The following EPHB2 variants were observed in gnomAD, a reference collection of about 807,000 sequenced individuals.
EPHB2 encodes EPH receptor B2.
In EPHB2, 18 loss-of-function variants were observed where a neutral mutation model predicts 96.4. That is an observed-to-expected ratio of 0.19 (90% CI 0.13 to 0.28). The LOEUF (loss-of-function observed/expected upper bound fraction) is 0.28, where lower values mean the gene tolerates loss of function less well. Among genes scored for constraint, EPHB2 ranks in the 10% least tolerant of loss-of-function variants. The pLI, the probability that EPHB2 is intolerant of heterozygous loss-of-function variation, is 1.00. For missense variants in EPHB2, 989 were observed against 1,355.4 expected (o/e 0.73, Z 4.25); for synonymous variants, 506 against 534.1 (o/e 0.95, Z 0.72).
chr1:22,735,480 C>G (rs1446164980), intron 1 of EPHB2, among the ~76,000 whole-genome samples: 1 of 151,804 alleles, frequency 6.6e-6, no homozygotes, highest in Non-Finnish European at 1.5e-5. Flanking sequence ...GAAGTAGAAC[C>G]AGGGCCTCTA....
intron 3 of EPHB2, among the ~76,000 whole-genome samples, chr1:22,807,872 G>T (rs1644948933): frequency 6.6e-6 from 1 of 152,216 alleles, no homozygotes; most frequent in African/African-American, 2.4e-5. Flanking sequence ...AGTGGCTCAT[G>T]ACTGTAATCC....
At chr1:22,763,527 A>G (rs914366873) in intron 1 of EPHB2, among the ~76,000 whole-genome samples, 1 of 151,970 alleles carries the variant, frequency 6.6e-6, no homozygotes, top group Non-Finnish European at 1.5e-5. Context: ...TAAAGTGGCC[A>G]GGCCCTCCCC....
At chr1:22,757,086 C>A (rs1644163227) in intron 1 of EPHB2, among the ~76,000 whole-genome samples, 1 of 151,980 alleles carries the variant, frequency 6.6e-6, no homozygotes, top group Admixed American at 6.6e-5. Context: ...TTTTCACTTA[C>A]AAACTTTTTT....
rs535195998 is a variant in EPHB2 at position 22,857,707 on chromosome 1, G to A, written c.812-5330G>A. ...AGCCTGATGATGGGCTGGCAAGATC[G>A]GGATGACTCTGGTGGTACCCAGACA... On this transcript the variant is annotated intron_variant, in intron 3 of 15. Coordinates refer to ENST00000374630, the MANE Select transcript of EPHB2 (RefSeq NM_017449.5). Among the ~76,000 whole-genome samples the A allele has an allele frequency of 3.9e-5, 6 of 152,208 alleles. No individual in the cohort carries two copies. The East Asian group carries it at 5.8e-4, about 15-fold the overall frequency.
At chr1:22,833,323 T>C (rs1232568013) in intron 3 of EPHB2, among the ~76,000 whole-genome samples, 1 of 152,152 alleles carries the variant, frequency 6.6e-6, no homozygotes, top group Non-Finnish European at 1.5e-5. Flanking sequence ...TTTCACCATA[T>C]TGGCCAGGCT....
Position 22,906,841 on chromosome 1 carries a change from A to T in EPHB2, c.2020A>T (p.Met674Leu). 1 of 1,614,224 alleles carries T rather than the reference A, an allele frequency of 6.2e-7. No individual in the cohort carries two copies. The change falls in exon 11 of 16, where the codon ATG becomes TTG. Residue 674 changes from methionine to leucine, a missense_variant. By Grantham distance (15) the Met-to-Leu change is conservative (BLOSUM62 2). Coordinates refer to ENST00000374630, the MANE Select transcript of EPHB2 (RefSeq NM_017449.5). The surrounding 1 kb of genome is among the most constrained non-coding windows in gnomAD (Gnocchi z 4.8). ...RRDFLSEASI[M>L]GQFDHPNVIH... ...GGACTTCCTGAGCGAAGCCTCCATC[A>T]TGGGCCAGTTCGACCATCCCAACGT...
At chr1:22,818,531 C>T (rs550650632) in intron 3 of EPHB2, among the ~76,000 whole-genome samples, 7 of 152,198 alleles carry the variant, frequency 4.6e-5, no homozygotes, top group African/African-American at 1.4e-4. Flanking sequence ...CTACCTAAAA[C>T]ATGTCCTGAT....
In EPHB2 at chr1:22,846,311, G is replaced by T. The variant is rs1186873407; in HGVS notation, c.812-16726G>T. On this transcript the variant is annotated intron_variant, in intron 3 of 15. Coordinates refer to ENST00000374630, the MANE Select transcript of EPHB2 (RefSeq NM_017449.5). This position sits in a 1 kb window ranked among gnomAD's most constrained non-coding sequence, Gnocchi z 4.3. ...TGCGCCTGTAATCCCAGCTACTAGG[G>T]AGGCTGAGGCAGGAGAATCACTTGA... is the stretch of plus-strand genomic sequence containing the variant. Among the ~76,000 whole-genome samples the T allele has an allele frequency of 6.6e-6, 1 of 151,964 alleles. No individual in the cohort carries two copies. Among genetic ancestry groups the T allele is most frequent in the Non-Finnish European group, 1.5e-5 (1 of 68,012 alleles).
Position 22,913,767 on chromosome 1 carries a change from T to TG in EPHB2, c.*200dup, listed in dbSNP as rs1461360882. 4.4e-6 allele frequency: 7 copies of TG among 1,603,478 alleles called. No homozygotes were observed. The Admixed American group carries it at 8.6e-5, about 20-fold the overall frequency. On this transcript the variant is annotated 3_prime_UTR_variant, in exon 16 of 16. Coordinates refer to ENST00000374630, the MANE Select transcript of EPHB2 (RefSeq NM_017449.5). This position sits in a 1 kb window ranked among gnomAD's most constrained non-coding sequence, Gnocchi z 4.1. The stretch of plus-strand genomic sequence containing the variant: ...TCAAACGACGGAAAAAAAAAGGGAA[T>TG]GGGAAAAAAGAAAACAGATCCTGGG...
chr1:22,830,830 C>T (rs1353602297), intron 3 of EPHB2, among the ~76,000 whole-genome samples: 1 of 152,202 alleles, frequency 6.6e-6, no homozygotes, highest in Admixed American at 6.5e-5. Flanking sequence ...CCTAGAATTA[C>T]AGGCATGAGC....
At chr1:22,766,426 G>T (rs1290877986) in intron 1 of EPHB2, among the ~76,000 whole-genome samples, 1 of 152,216 alleles carries the variant, frequency 6.6e-6, no homozygotes, top group African/African-American at 2.4e-5. Flanking sequence ...AGGTTTCTTT[G>T]GGAGCTGTTC....
At chr1:22,783,430 A>G (rs1358487499) in intron 2 of EPHB2, among the ~76,000 whole-genome samples, 1 of 152,224 alleles carries the variant, frequency 6.6e-6, no homozygotes, top group African/African-American at 2.4e-5. Flanking sequence ...GCAAGCTCTC[A>G]GTCCCACTGA....
intron 1 of EPHB2, among the ~76,000 whole-genome samples, chr1:22,723,764 T>C (rs1239454699): frequency 6.6e-6 from 1 of 152,238 alleles, no homozygotes; most frequent in Non-Finnish European, 1.5e-5. Flanking sequence ...ACCTACCCCA[T>C]GGTGTTGTTT....
chr1:22,903,210 G>A (rs572949077), intron 9 of EPHB2, among the ~76,000 whole-genome samples: 9 of 152,318 alleles, frequency 5.9e-5, no homozygotes, highest in African/African-American at 1.9e-4. Context: ...GACCAAGGAG[G>A]GTTTGAGCTG....
At chr1:22,857,793 G>C (rs141784161) in intron 3 of EPHB2, among the ~76,000 whole-genome samples, 113 of 152,208 alleles carry the variant, frequency 7.4e-4, no homozygotes, top group African/African-American at 2.5e-3. Flanking sequence ...ATGGTACCTT[G>C]TAAGAGGCAC....
Position 22,865,028 on chromosome 1 carries a change from C to T in EPHB2, c.1119C>T (p.Thr373=). 6.2e-7 allele frequency: 1 copy of T among 1,613,116 alleles called. No individual in the cohort carries two copies. Among genetic ancestry groups the T allele is most frequent in the Non-Finnish European group, 8.5e-7 (1 of 1,179,222 alleles). ...GTGGCTCGGGCCGGGGTGCCTGCAC[C>T]CGCTGCGGGGACAATGTACAGTACG... ...KSCGSGRGAC[T]RCGDNVQYAP... The change falls in exon 5 of 16, where the codon ACC becomes ACT. Residue 373 remains threonine (T), a synonymous_variant. Coordinates refer to ENST00000374630, the MANE Select transcript of EPHB2 (RefSeq NM_017449.5).
intron 3 of EPHB2, among the ~76,000 whole-genome samples, chr1:22,806,994 A>G (rs12074138): frequency 0.075 from 11,457 of 152,174 alleles, 1,348 homozygotes; most frequent in African/African-American, 0.26. Context: ...GCTTAAAGGA[A>G]GGATGGGAAC....
intron 3 of EPHB2, among the ~76,000 whole-genome samples, chr1:22,819,205 G>GTCTC (rs71020453): frequency 0.084 from 8,710 of 103,306 alleles, 686 homozygotes; most frequent in East Asian, 0.14. Flanking sequence ...CCCAGCAGAT[G>GTCTC]TCTCTCTCTC....
In EPHB2 at chr1:22,739,361, G is replaced by T. The variant is rs553307591; in HGVS notation, c.61+28318G>T. On this transcript the variant is annotated intron_variant, in intron 1 of 15. Coordinates refer to ENST00000374630, the MANE Select transcript of EPHB2 (RefSeq NM_017449.5). ...CCCCCAAGTAATAGGGACCGCAGGCGCATGCCAGCACGCCTGGCTAGTTTT... is the reference window on the plus strand; with the variant it reads ...CCCCCAAGTAATAGGGACCGCAGGCTCATGCCAGCACGCCTGGCTAGTTTT... Among the ~76,000 whole-genome samples the T allele has an allele frequency of 5.9e-5, 9 of 152,234 alleles. No homozygotes were observed. In the South Asian group the frequency reaches 1.0e-3, roughly 18 times the overall value.
Sources: gnomAD v4.1 joint callset for allele counts (sites outside exome capture counted in the v4.1 genomes callset) on GRCh38, gnomAD v4.1.1 for gene constraint, Gnocchi (gnomAD v3.1) non-coding constraint, MANE v1.5 for transcripts, NCBI Gene and HGNC (gene_info 2026-07-23, HGNC 2026-07-21) for gene names.